Variants in SNX29 observed in about 807,000 individuals in gnomAD.
The protein encoded by SNX29 is sorting nexin-29.
A neutral mutation model predicts 102.1 loss-of-function variants in SNX29; 78 were observed. That is an observed-to-expected ratio of 0.76 (90% CI 0.64 to 0.92). The LOEUF is 0.92. Among genes scored for constraint, SNX29 ranks in the 40% least tolerant of loss-of-function variants. The pLI, the probability that SNX29 is intolerant of heterozygous loss-of-function variation, is 0.00. For missense variants in SNX29, 1,280 were observed against 1,061.7 expected, an observed-to-expected ratio of 1.21 and a Z score of -2.86; for synonymous variants, 580 against 414.5, an observed-to-expected ratio of 1.40 and a Z score of -4.85.
intron 18 of SNX29, among the ~76,000 whole-genome samples, chr16:12,439,993 C>T (rs2085728130): frequency 6.6e-6 from 1 of 152,200 alleles, no homozygotes; most frequent in Non-Finnish European, 1.5e-5. Context: ...TGCAGCCCAA[C>T]TCTGCCTCCT....
At chr16:12,506,126 A>G (rs780866060) in intron 19 of SNX29, among the ~76,000 whole-genome samples, 1 of 152,070 alleles carries the variant, frequency 6.6e-6, no homozygotes, top group Non-Finnish European at 1.5e-5. Context: ...ACACCTGGCT[A>G]GTTTTTGTAT....
At chr16:12,131,893 A>G (rs1461315729) in intron 13 of SNX29, among the ~76,000 whole-genome samples, 1 of 152,220 alleles carries the variant, frequency 6.6e-6, no homozygotes, top group East Asian at 1.9e-4. Context: ...TTTTAAAATG[A>G]TAGCTCAAGA....
At chr16:12,043,880 G>A (rs1426525093) in intron 5 of SNX29, among the ~76,000 whole-genome samples, 1 of 152,138 alleles carries the variant, frequency 6.6e-6, no homozygotes, top group Non-Finnish European at 1.5e-5. Flanking sequence ...AGCCTCCTGA[G>A]TAGCTGGGAT....
intron 20 of SNX29, among the ~76,000 whole-genome samples, chr16:12,541,709 C>T (rs570302543): frequency 1.3e-5 from 2 of 152,258 alleles, no homozygotes; most frequent in South Asian, 2.1e-4. Context: ...GAGTGGGTTC[C>T]TGATTCCTGT....
At chr16:12,539,069 G>C (rs559686313) in intron 20 of SNX29, among the ~76,000 whole-genome samples, 1 of 152,178 alleles carries the variant, frequency 6.6e-6, no homozygotes, top group Non-Finnish European at 1.5e-5. Flanking sequence ...TTCTGGGATA[G>C]GGCCAAGTTT....
At chr16:12,489,507 C>T (rs1172546246) in intron 19 of SNX29, among the ~76,000 whole-genome samples, 1 of 152,184 alleles carries the variant, frequency 6.6e-6, no homozygotes, top group Admixed American at 6.5e-5. Context: ...GCTGTGTGAC[C>T]CTGGACAAGT....
At chr16:12,306,452 C>A (rs1055322054) in intron 15 of SNX29, among the ~76,000 whole-genome samples, 8 of 152,014 alleles carry the variant, frequency 5.3e-5, no homozygotes. Flanking sequence ...ATGAATTAAA[C>A]AGACATTTAA....
chr16:12,426,106 C>T (rs991823012), intron 18 of SNX29, among the ~76,000 whole-genome samples: 6 of 151,434 alleles, frequency 4.0e-5, no homozygotes, highest in East Asian at 1.9e-4. Context: ...TAAAAAGATA[C>T]AGTACTGTTT....
chr16:12,321,433 A>T (rs1016921519), intron 15 of SNX29, among the ~76,000 whole-genome samples: 3 of 152,306 alleles, frequency 2.0e-5, no homozygotes, highest in African/African-American at 7.2e-5. Context: ...AGTGATTCCC[A>T]GGCCAGGCCT....
chr16:12,061,367 G>T lies in SNX29; in HGVS notation c.1125-161G>T. 12 of 617,320 alleles carry T rather than the reference G, an allele frequency of 1.9e-5. No homozygotes were observed. In the South Asian group the frequency reaches 2.3e-4, roughly 12 times the overall value. The allele number at this position is 617,320 out of a possible 1,614,324, so 38.2% of individuals were successfully genotyped here. A position where few individuals can be genotyped will look rare whatever the true frequency, so the allele number is the denominator to read the frequency against. On this transcript the variant is annotated intron_variant, in intron 8 of 20. Transcript: ENST00000566228. Reference sequence around the variant, plus strand: ...TGAGAGAACAAATGCAAGAGGTCTGGATCTGGACTCCACGCTCTACCTCCC... The same window carrying T: ...TGAGAGAACAAATGCAAGAGGTCTGTATCTGGACTCCACGCTCTACCTCCC...
At chr16:12,222,403 T>C (rs2077501249) in intron 14 of SNX29, among the ~76,000 whole-genome samples, 1 of 152,224 alleles carries the variant, frequency 6.6e-6, no homozygotes, top group South Asian at 2.1e-4. Context: ...ACATGCATTG[T>C]TTTTATAAGG....
intron 11 of SNX29, among the ~76,000 whole-genome samples, chr16:12,109,717 T>G (rs530449224): frequency 6.7e-6 from 1 of 150,042 alleles, no homozygotes; most frequent in East Asian, 2.0e-4. Context: ...GTTAACCTGT[T>G]GAGCTTCCAT....
At chr16:12,131,759 A>C (rs1315779822) in intron 13 of SNX29, among the ~76,000 whole-genome samples, 1 of 152,138 alleles carries the variant, frequency 6.6e-6, no homozygotes, top group African/African-American at 2.4e-5. Context: ...AGCAGCATTT[A>C]CCTCTCTGTG....
rs1398087636 is a variant in SNX29 at position 12,012,470 on chromosome 16, G to A, written c.122+9427G>A. On this transcript the variant is annotated intron_variant, in intron 3 of 20. Transcript: ENST00000566228. Reference sequence around the variant, plus strand: ...GTTGTCCAGGCTGGAGTACAGTGGTGCAGTCTTGGCTCACTGCAACCTCCG... The same window carrying A: ...GTTGTCCAGGCTGGAGTACAGTGGTACAGTCTTGGCTCACTGCAACCTCCG... Among the ~76,000 whole-genome samples the A allele has an allele frequency of 2.0e-5, 3 of 152,106 alleles. 1 individual carries two copies. The highest frequency in any genetic ancestry group is 7.2e-5 in the African/African-American group (3 of 41,394).
At chr16:12,182,933 CA>C (rs575698544) in intron 13 of SNX29, among the ~76,000 whole-genome samples, 1,008 of 46,462 alleles carry the variant, frequency 0.022, 2 homozygotes, top group African/African-American at 0.049. Flanking sequence ...GACTCTGTCT[CA>C]AAAAAAAAAA....
chr16:12,269,489 T>G (rs967118440), intron 14 of SNX29, among the ~76,000 whole-genome samples: 1 of 152,220 alleles, frequency 6.6e-6, no homozygotes, highest in Non-Finnish European at 1.5e-5. Flanking sequence ...CTTACTGACC[T>G]ATCTTTCTAC....
chr16:12,255,752 C>T (rs1219421448), intron 14 of SNX29, among the ~76,000 whole-genome samples: 3 of 152,120 alleles, frequency 2.0e-5, no homozygotes, highest in Non-Finnish European at 4.4e-5. Flanking sequence ...TGTGTATATA[C>T]GTCACGTTTT....
intron 9 of SNX29, among the ~76,000 whole-genome samples, chr16:12,068,002 T>G (rs1314805225): frequency 7.4e-6 from 1 of 135,106 alleles, no homozygotes; most frequent in East Asian, 2.2e-4. Context: ...CAGGGAAAAT[T>G]GGCCTTTTTA....
At chr16:12,556,330 C>G (rs2078346625) in intron 20 of SNX29, 1 of 152,206 alleles carries the variant, frequency 6.6e-6, no homozygotes. Context: ...TAGACCAGGA[C>G]AGACCACTTG....
Sources: allele counts gnomAD v4.1 joint callset (sites outside exome capture counted in the v4.1 genomes callset), GRCh38; gene constraint gnomAD v4.1.1; transcripts MANE v1.5; gene names NCBI Gene and HGNC (gene_info 2026-07-23, HGNC 2026-07-21).